Variants in ADGRV1 observed in about 807,000 individuals in gnomAD.
ADGRV1 encodes G-protein coupled receptor 98.
Under a neutral mutation model 596.2 loss-of-function variants are expected in ADGRV1, and 359 were observed. The ratio of observed to expected loss-of-function variants is 0.60; its 90% CI spans 0.55 to 0.66. The LOEUF is 0.66. Ranked by LOEUF, ADGRV1 falls within the 30% of genes least tolerant of loss-of-function variation. The pLI is 0.00. For missense variants in ADGRV1, 7,274 were observed against 7,575.6 expected, an observed-to-expected ratio of 0.96 and a Z score of 1.48; for synonymous variants, 2,681 against 2,679.2, an observed-to-expected ratio of 1.00 and a Z score of -0.02.
chr5:90,928,199 T>G (rs1203298691), intron 83 of ADGRV1, among the ~76,000 whole-genome samples: 1 of 152,178 alleles, frequency 6.6e-6, no homozygotes, highest in Non-Finnish European at 1.5e-5. Flanking sequence ...ATTGGGGAAG[T>G]TCTCCTGGAT....
intron 50 of ADGRV1, among the ~76,000 whole-genome samples, chr5:90,743,409 A>G (rs984005180): frequency 2.0e-5 from 3 of 151,994 alleles, no homozygotes; most frequent in African/African-American, 7.3e-5. Flanking sequence ...AAAATTGTAG[A>G]AGAGGCTCAT....
At chr5:90,651,778 C>A in intron 18 of ADGRV1, 48 bp downstream of exon 18, 1 of 1,193,416 alleles carries the variant, frequency 8.4e-7, no homozygotes, top group Non-Finnish European at 1.2e-6. Context: ...GAAATAAAAC[C>A]ATTAAGTATG....
chr5:90,890,512 T>A (rs959536349), intron 83 of ADGRV1, among the ~76,000 whole-genome samples: 1 of 152,106 alleles, frequency 6.6e-6, no homozygotes, highest in Non-Finnish European at 1.5e-5. Flanking sequence ...CACCCACCTG[T>A]TAAATGAAGC....
chr5:90,809,321 C>CACACACAT (rs1762225866), intron 73 of ADGRV1, among the ~76,000 whole-genome samples: 1 of 151,862 alleles, frequency 6.6e-6, no homozygotes, highest in South Asian at 2.1e-4. Flanking sequence ...CACACACACA[C>CACACACAT]ACACACGCTC....
intron 1 of ADGRV1, among the ~76,000 whole-genome samples, chr5:90,597,809 T>A (rs1420779358): frequency 6.6e-6 from 1 of 151,900 alleles, no homozygotes; most frequent in Non-Finnish European, 1.5e-5. Flanking sequence ...AAGAATGAGG[T>A]CAGAAGCATA....
At chr5:91,133,005 A>G (rs892925576) in intron 87 of ADGRV1, among the ~76,000 whole-genome samples, 2 of 152,194 alleles carry the variant, frequency 1.3e-5, no homozygotes, top group African/African-American at 2.4e-5. Context: ...GTGAAGTTGC[A>G]TCTTCTATTA....
intron 83 of ADGRV1, among the ~76,000 whole-genome samples, chr5:90,928,871 G>T (rs1258462717): frequency 1.4e-5 from 2 of 147,044 alleles, no homozygotes; most frequent in South Asian, 2.2e-4. Context: ...TCAGCTGCAG[G>T]TCTGTTGGAA....
At chr5:90,834,347 C>T (rs917736186) in intron 77 of ADGRV1, among the ~76,000 whole-genome samples, 1 of 152,128 alleles carries the variant, frequency 6.6e-6, no homozygotes, top group Non-Finnish European at 1.5e-5. Context: ...GATAAAATCT[C>T]TCAGCTTTGT....
At chr5:91,026,598 G>T (rs1434919198) in intron 85 of ADGRV1, among the ~76,000 whole-genome samples, 1 of 152,030 alleles carries the variant, frequency 6.6e-6, no homozygotes, top group Non-Finnish European at 1.5e-5. Flanking sequence ...AGCTCTTAGG[G>T]AGGCTTCATG....
chr5:90,834,135 G>A (rs575869919), intron 77 of ADGRV1, among the ~76,000 whole-genome samples: 156 of 151,962 alleles, frequency 1.0e-3, no homozygotes, highest in African/African-American at 3.2e-3. Context: ...TTTTTTATCC[G>A]TTCAGTGTTT....
chr5:91,018,316 A>G (rs959121405), intron 85 of ADGRV1, among the ~76,000 whole-genome samples: 1 of 151,892 alleles, frequency 6.6e-6, no homozygotes, highest in Non-Finnish European at 1.5e-5. Context: ...GAATTTCTCA[A>G]ACAGTTCCTT....
intron 52 of ADGRV1, among the ~76,000 whole-genome samples, chr5:90,747,559 C>T (rs934993631): frequency 1.3e-5 from 2 of 152,042 alleles, no homozygotes; most frequent in Non-Finnish European, 2.9e-5. Flanking sequence ...ACACTTAATT[C>T]CCCAGCATTG....
chr5:91,088,767 C>A (rs1384115397), intron 86 of ADGRV1, among the ~76,000 whole-genome samples: 2 of 151,934 alleles, frequency 1.3e-5, no homozygotes, highest in South Asian at 4.2e-4. Flanking sequence ...TTAAACTCTA[C>A]ATTTAAAAAA....
intron 70 of ADGRV1, among the ~76,000 whole-genome samples, chr5:90,796,123 T>A (rs1760681493): frequency 6.6e-6 from 1 of 152,112 alleles, no homozygotes; most frequent in Non-Finnish European, 1.5e-5. Context: ...GGACAGAGAA[T>A]GAGTTTGATG....
chr5:90,720,121 CAACTGG>C lies in ADGRV1; in HGVS notation c.9523_9528del (p.Thr3175_Gly3176del). On this transcript the variant is annotated inframe_deletion, in exon 44 of 90. Coordinates refer to ENST00000405460, the MANE Select transcript of ADGRV1 (RefSeq NM_032119.4). ...TATTTTGTTTGCACCTTGTTTAATC[CAACTGG>C]AGGTGCTAGACTAGGGGTGCATGTT... The C allele has an allele frequency of 6.2e-7, 1 of 1,613,478 alleles. No individual in the cohort carries two copies. Among genetic ancestry groups the C allele is most frequent in the Non-Finnish European group, 8.5e-7 (1 of 1,179,474 alleles).
chr5:90,893,805 A>G (rs1771050649), intron 83 of ADGRV1, among the ~76,000 whole-genome samples: 1 of 152,200 alleles, frequency 6.6e-6, no homozygotes, highest in African/African-American at 2.4e-5. Context: ...AGCTAATTCA[A>G]TATTTATTTT....
chr5:90,802,849 C>T lies in ADGRV1; in HGVS notation c.14628C>T (p.Val4876=), dbSNP rs761513059. 6.2e-7 allele frequency: 1 copy of T among 1,609,808 alleles called. No individual in the cohort carries two copies. Among genetic ancestry groups the T allele is most frequent in the Non-Finnish European group, 8.5e-7 (1 of 1,178,116 alleles). Residue 4876 remains valine, a synonymous_variant, in exon 71 of 90, where the codon GTC becomes GTT. Coordinates refer to ENST00000405460, the MANE Select transcript of ADGRV1 (RefSeq NM_032119.4). Reference sequence around the variant, plus strand: ...TTCTTCAGGAAGCAAAATCTGCTGTCCTTCCAGTCTCTGAGAAAGCTGCCA... The same window carrying T: ...TTCTTCAGGAAGCAAAATCTGCTGTTCTTCCAGTCTCTGAGAAAGCTGCCA... ...PTILQEAKSA[V]LPVSEKAANS...
intron 82 of ADGRV1, among the ~76,000 whole-genome samples, chr5:90,858,566 T>C (rs1177661921): frequency 6.6e-6 from 1 of 152,112 alleles, no homozygotes; most frequent in African/African-American, 2.4e-5. Flanking sequence ...CAGGCTGGTC[T>C]CAAACTCCTG....
At chr5:90,875,952 G>T (rs940586520) in intron 83 of ADGRV1, among the ~76,000 whole-genome samples, 3 of 152,104 alleles carry the variant, frequency 2.0e-5, no homozygotes, top group Non-Finnish European at 4.4e-5. Context: ...TTAAAATATG[G>T]CTATAAATAT....
Sources: allele counts gnomAD v4.1 joint callset (sites outside exome capture counted in the v4.1 genomes callset), GRCh38; gene constraint gnomAD v4.1.1; transcripts MANE v1.5; gene names NCBI Gene and HGNC (gene_info 2026-07-23, HGNC 2026-07-21).